SNX8: variants seen among roughly 807,000 people sequenced by gnomAD.
SNX8 encodes sorting nexin 8.
SNX8 carries 25 observed loss-of-function variants against 51.6 expected under a neutral mutation model. The observed-to-expected ratio is 0.48, with a 90% CI of 0.35 to 0.68. SNX8 has a LOEUF of 0.68. SNX8 is among the 30% of genes least tolerant of loss of function. The probability of loss-of-function intolerance (pLI) is 0.00; values close to 1 mark genes in which losing one functional copy is unlikely to be tolerated. For missense variants in SNX8, 695 were observed against 624.0 expected (o/e 1.11, Z -1.21); for synonymous variants, 324 against 277.0 (o/e 1.17, Z -1.68).
intron 1 of SNX8, among the ~76,000 whole-genome samples, chr7:2,324,074 C>G (rs1478059797): frequency 6.6e-6 from 1 of 151,608 alleles, no homozygotes; most frequent in African/African-American, 2.4e-5. Flanking sequence ...GAGCTGAGAT[C>G]ACGCCACTGT....
intron 1 of SNX8, among the ~76,000 whole-genome samples, chr7:2,303,537 G>C (rs934022337): frequency 1.2e-4 from 18 of 152,352 alleles, no homozygotes; most frequent in African/African-American, 2.9e-4. Context: ...GGAAAAGATT[G>C]AGAAATCGGA....
intron 1 of SNX8, among the ~76,000 whole-genome samples, chr7:2,342,516 G>A (rs919004844): frequency 1.4e-4 from 22 of 151,784 alleles, no homozygotes; most frequent in Admixed American, 3.3e-4. Context: ...TCAGCCGGAC[G>A]CAGTGGTGCG....
chr7:2,303,730 C>A (rs1796472917), intron 1 of SNX8, among the ~76,000 whole-genome samples: 1 of 152,072 alleles, frequency 6.6e-6, no homozygotes, highest in African/African-American at 2.4e-5. Context: ...GCAAGATATG[C>A]TTTGTTAAAC....
intron 1 of SNX8, chr7:2,309,765 G>T (rs571238393): frequency 2.1e-6 from 1 of 466,230 alleles, no homozygotes; most frequent in Non-Finnish European, 4.4e-6. Flanking sequence ...AAGTGACAGC[G>T]CAATGAATTC....
chr7:2,261,182 C>T (rs1000000608), intron 7 of SNX8, among the ~76,000 whole-genome samples: 1 of 152,228 alleles, frequency 6.6e-6, no homozygotes, highest in African/African-American at 2.4e-5. Flanking sequence ...CCTGTAATCC[C>T]AGCACTTTGG....
chr7:2,284,396 CTTTTTTT>C lies in SNX8; in HGVS notation c.95-6098_95-6092del, dbSNP rs751803296. Among the ~76,000 whole-genome samples, 315 of 88,912 alleles carry C rather than the reference CTTTTTTT, an allele frequency of 3.5e-3. 2 individuals are homozygous for C. The highest frequency in any genetic ancestry group is 4.7e-3 in the Admixed American group (28 of 6,004). 58.3% of individuals were successfully genotyped at this position (88,912 alleles called of 152,430 possible). A position where few individuals can be genotyped will look rare whatever the true frequency, so the allele number is the denominator to read the frequency against. On this transcript the variant is annotated intron_variant, in intron 1 of 10. Coordinates refer to ENST00000222990, the MANE Select transcript of SNX8 (RefSeq NM_013321.4). The stretch of plus-strand genomic sequence containing the variant: ...TGTTCATAAACACTGCTTTTATTTC[CTTTTTTT>C]TTTTTTTTTTTTTTTTGAGACAGAG...
intron 1 of SNX8, among the ~76,000 whole-genome samples, chr7:2,293,298 G>A (rs1342288484): frequency 6.6e-6 from 1 of 150,380 alleles, no homozygotes; most frequent in Admixed American, 6.6e-5. Flanking sequence ...TAATTTTAAA[G>A]ATGTACAAAA....
intron 1 of SNX8, among the ~76,000 whole-genome samples, chr7:2,298,002 C>T (rs1285499873): frequency 1.3e-5 from 2 of 151,924 alleles, no homozygotes; most frequent in Non-Finnish European, 2.9e-5. Context: ...TCTACATAAC[C>T]AAAAACCAGC....
chr7:2,318,536 GA>G (rs1181969496), upstream of SNX8, among the ~76,000 whole-genome samples: 585 of 130,698 alleles, frequency 4.5e-3, 8 homozygotes, highest in African/African-American at 0.015. Flanking sequence ...AAAAAAAAAA[GA>G]AAAAAAAAAT....
At chr7:2,335,490 AAAAG>A (rs949685697) in intron 1 of SNX8, among the ~76,000 whole-genome samples, 2 of 151,740 alleles carry the variant, frequency 1.3e-5, no homozygotes, top group African/African-American at 4.8e-5. Context: ...CTCAATAAAA[AAAAG>A]AAAGAAACAA....
rs1778516470 is a variant in SNX8, at chr7:2,321,648, T to A, written c.-66+32574A>T. Among the ~76,000 whole-genome samples, 4 of 150,060 alleles carry A rather than the reference T, an allele frequency of 2.7e-5. No homozygotes were observed. The Admixed American group carries it at 2.7e-4, about 10-fold the overall frequency. On this transcript the variant is annotated intron_variant, in intron 1 of 5. Transcript: ENST00000435336. ...TCACTGTGGTCTCGATCTCCTTACC[T>A]TGTGATCCGCCCTCCTCGGCCTCCC...
intron 1 of SNX8, among the ~76,000 whole-genome samples, chr7:2,300,605 G>T (rs1796368964): frequency 6.6e-6 from 1 of 151,576 alleles, no homozygotes; most frequent in Admixed American, 6.6e-5. Context: ...GTAGAGAAAA[G>T]GTCTCGCTAT....
chr7:2,296,999 A>G (rs1037031860), intron 1 of SNX8, among the ~76,000 whole-genome samples: 1 of 152,012 alleles, frequency 6.6e-6, no homozygotes, highest in African/African-American at 2.4e-5. Context: ...CTAATCCATC[A>G]CAGGGACATG....
chr7:2,296,154 A>T (rs370246341), intron 1 of SNX8, among the ~76,000 whole-genome samples: 97 of 152,218 alleles, frequency 6.4e-4, no homozygotes, highest in African/African-American at 2.3e-3. Context: ...GACTCTGTAG[A>T]TTGCTTTTGG....
At chr7:2,314,497 G>A, upstream of SNX8, 2 of 1,121,706 alleles carry the variant, frequency 1.8e-6, no homozygotes, top group Non-Finnish European at 2.2e-6. Context: ...CCCTCGCCCC[G>A]CCCACACCCC....
intron 10 of SNX8, 38 bp from the exon 11 acceptor site, chr7:2,255,207 G>A (rs1258629638): frequency 1.5e-6 from 2 of 1,317,474 alleles, no homozygotes; most frequent in South Asian, 1.4e-5. Context: ...CAGCAGGCGG[G>A]GCCGGGGCTC....
intron 1 of SNX8, among the ~76,000 whole-genome samples, chr7:2,283,429 G>A (rs909449833): frequency 1.4e-4 from 22 of 152,248 alleles, no homozygotes; most frequent in Middle Eastern, 3.2e-3. Context: ...CACTCCCTGG[G>A]GTTCCCCGTG....
intron 1 of SNX8, among the ~76,000 whole-genome samples, chr7:2,286,431 C>T (rs1340284270): frequency 6.6e-6 from 1 of 152,006 alleles, no homozygotes; most frequent in African/African-American, 2.4e-5. Flanking sequence ...AAACTCACTC[C>T]ATCCCTACAA....
At chr7:2,308,219 G>C (rs6962946) in intron 1 of SNX8, among the ~76,000 whole-genome samples, 41,497 of 151,960 alleles carry the variant, frequency 0.27, 5,787 homozygotes, top group Middle Eastern at 0.47. Context: ...CTACATAGCA[G>C]ATAGTATTCT....
Sources: allele counts gnomAD v4.1 joint callset (sites outside exome capture counted in the v4.1 genomes callset), GRCh38; gene constraint gnomAD v4.1.1; transcripts MANE v1.5; gene names NCBI Gene and HGNC (gene_info 2026-07-23, HGNC 2026-07-21).